DRC8: variants seen among roughly 807,000 people sequenced by gnomAD.
DRC8 encodes dynein regulatory complex protein 8.
chr1:244,969,889 G>T, the DRC8 span: 1 of 450,980 alleles, frequency 2.2e-6, no homozygotes, highest in South Asian at 4.3e-5. Context: ...CTGCGAATGG[G>T]AAGCGGGAGG....
chr1:245,114,422 G>A, the DRC8 span, among the ~76,000 whole-genome samples: 4 of 151,434 alleles, frequency 2.6e-5, no homozygotes, highest in African/African-American at 9.7e-5. Flanking sequence ...CTGAGGTCAC[G>A]CCACTGCACT....
chr1:244,971,214 A>C, the DRC8 span: 2 of 152,000 alleles, frequency 1.3e-5, no homozygotes, highest in Non-Finnish European at 2.9e-5. Context: ...TAAAAAAAAA[A>C]AAAGACACAC....
the DRC8 span, among the ~76,000 whole-genome samples, chr1:245,054,548 T>G: frequency 1.3e-5 from 2 of 152,168 alleles, no homozygotes; most frequent in Non-Finnish European, 2.9e-5. Context: ...TTTTTTCTCC[T>G]TAGCCTCCAC....
At chr1:245,098,679 G>A in the DRC8 span, among the ~76,000 whole-genome samples, 1 of 152,134 alleles carries the variant, frequency 6.6e-6, no homozygotes, top group Non-Finnish European at 1.5e-5. Context: ...TGAAATCTAC[G>A]AATATCCCTT....
chr1:244,988,296 A>G, the DRC8 span, among the ~76,000 whole-genome samples: 1 of 152,104 alleles, frequency 6.6e-6, no homozygotes, highest in Non-Finnish European at 1.5e-5. Context: ...GAGAATTATT[A>G]TATAATGGTA....
At chr1:245,023,301 ATCT>A in the DRC8 span, among the ~76,000 whole-genome samples, 3 of 152,092 alleles carry the variant, frequency 2.0e-5, no homozygotes, top group Non-Finnish European at 4.4e-5. Context: ...GGTTGTTTTC[ATCT>A]TCTGACTGTT....
At chr1:245,072,146 A>G in the DRC8 span, among the ~76,000 whole-genome samples, 200 of 152,368 alleles carry the variant, frequency 1.3e-3, no homozygotes, top group African/African-American at 4.4e-3. Flanking sequence ...AGCTTCATTC[A>G]TAATTGGCAA....
the DRC8 span, among the ~76,000 whole-genome samples, chr1:245,049,038 T>C: frequency 1.7e-4 from 25 of 150,678 alleles, no homozygotes. This position sits in a 1 kb window ranked among gnomAD's most constrained non-coding sequence, Gnocchi z 4.5. Context: ...CAGATGGGAG[T>C]GCAGTAGCTC....
At chr1:245,095,103 G>A in the DRC8 span, among the ~76,000 whole-genome samples, 17 of 152,342 alleles carry the variant, frequency 1.1e-4, no homozygotes, top group Non-Finnish European at 2.5e-4. Context: ...GAAGCATGGT[G>A]CAAGAGGATA....
At chr1:245,042,391 G>T in the DRC8 span, among the ~76,000 whole-genome samples, 1 of 152,222 alleles carries the variant, frequency 6.6e-6, no homozygotes, top group East Asian at 1.9e-4. Context: ...GTGGAGACAC[G>T]ATCTCTTGAT....
chr1:245,052,448 G>C, the DRC8 span, among the ~76,000 whole-genome samples: 1 of 152,126 alleles, frequency 6.6e-6, no homozygotes, highest in Non-Finnish European at 1.5e-5. Context: ...CTGCGTGAGT[G>C]AGCCTAGGCC....
At chr1:244,999,135 G>GGAAGTGGA in the DRC8 span, among the ~76,000 whole-genome samples, 1 of 150,124 alleles carries the variant, frequency 6.7e-6, no homozygotes, top group African/African-American at 2.4e-5. Flanking sequence ...AGAAAAAGGA[G>GGAAGTGGA]GAAGTGGAGG....
the DRC8 span, chr1:245,059,349 T>G: frequency 6.5e-7 from 1 of 1,532,792 alleles, no homozygotes; most frequent in Non-Finnish European, 8.9e-7. Flanking sequence ...TTTCGGAGTT[T>G]ATATTCTAAA....
the DRC8 span, among the ~76,000 whole-genome samples, chr1:245,024,090 A>G: frequency 6.6e-6 from 1 of 152,190 alleles, no homozygotes; most frequent in Non-Finnish European, 1.5e-5. Context: ...GAATCGTTTG[A>G]ACCCGGGAGA....
the DRC8 span, among the ~76,000 whole-genome samples, chr1:245,045,561 A>G: frequency 1.3e-5 from 2 of 152,082 alleles, no homozygotes; most frequent in Non-Finnish European, 2.9e-5. Flanking sequence ...CGTCCATCTC[A>G]TGTAAATGAA....
the DRC8 span, among the ~76,000 whole-genome samples, chr1:245,118,662 A>C: frequency 6.6e-6 from 1 of 151,862 alleles, no homozygotes; most frequent in African/African-American, 2.4e-5. Flanking sequence ...GTGGTGGTGC[A>C]TGCCTGTAAT....
At chr1:245,027,204 CAA>C in the DRC8 span, among the ~76,000 whole-genome samples, 3 of 152,022 alleles carry the variant, frequency 2.0e-5, no homozygotes, top group Admixed American at 6.6e-5. Flanking sequence ...AGAAAAGAGT[CAA>C]AGAGAATTTT....
At chr1:245,063,214 C>T in the DRC8 span, among the ~76,000 whole-genome samples, 2 of 152,126 alleles carry the variant, frequency 1.3e-5, no homozygotes, top group Non-Finnish European at 2.9e-5. Context: ...CCACTTCACT[C>T]AGGGTTTGGT....
chr1:245,087,410 G>T, the DRC8 span: 2 of 1,539,158 alleles, frequency 1.3e-6, no homozygotes, highest in Admixed American at 2.4e-5. Flanking sequence ...GAAATTGCTT[G>T]TTCTTGTTAA....
Sources: gnomAD v4.1 joint callset for allele counts (sites outside exome capture counted in the v4.1 genomes callset) on GRCh38, gnomAD v4.1.1 for gene constraint, Gnocchi (gnomAD v3.1) non-coding constraint, MANE v1.5 for transcripts, NCBI Gene and HGNC (gene_info 2026-07-23, HGNC 2026-07-21) for gene names.